Variants in TRPM2 observed in about 807,000 individuals in gnomAD.
The protein encoded by TRPM2 is estrogen-responsive element-associated gene 1 protein.
A neutral mutation model predicts 174.0 loss-of-function variants in TRPM2; 161 were observed. That is an observed-to-expected ratio of 0.93 (90% CI 0.81 to 1.05). The LOEUF is 1.05. Among genes scored for constraint, TRPM2 ranks in the 50% least tolerant of loss-of-function variants. The pLI is 0.00. For synonymous variants in TRPM2, 954 were observed against 861.3 expected (o/e 1.11, Z -1.88); for missense variants, 2,057 against 2,038.0 (o/e 1.01, Z -0.18).
intron 19 of TRPM2, among the ~76,000 whole-genome samples, chr21:44,411,790 T>G (rs2050115561): frequency 6.6e-6 from 1 of 152,154 alleles, no homozygotes; most frequent in African/African-American, 2.4e-5. Context: ...GTTTCTTGAG[T>G]GTTTTTATTG....
intron 2 of TRPM2, among the ~76,000 whole-genome samples, chr21:44,359,094 T>C (rs1001139528): frequency 5.9e-5 from 9 of 152,316 alleles, no homozygotes; most frequent in Admixed American, 5.9e-4. Context: ...TGGTCCATTT[T>C]ACAGTGTGCT....
intron 3 of TRPM2, among the ~76,000 whole-genome samples, chr21:44,365,595 T>C (rs2838555): frequency 0.28 from 42,180 of 152,048 alleles, 6,823 homozygotes; most frequent in African/African-American, 0.46. Context: ...CTTTGTCTGA[T>C]GCCACCGTGG....
In TRPM2 at chr21:44,366,990, G is replaced by A. The variant is rs1293492623; in HGVS notation, c.604+56G>A. 3 of 1,519,334 alleles carry A rather than the reference G, an allele frequency of 2.0e-6. No individual in the cohort carries two copies. In the Admixed American group the frequency reaches 6.3e-5, roughly 32 times the overall value. 94.1% of individuals were successfully genotyped at this position (1,519,334 alleles called of 1,614,324 possible). A position where few individuals can be genotyped will look rare whatever the true frequency, so the allele number is the denominator to read the frequency against. ...CCGGCGGGTGGGGTGGGCTGTGGAGGCAGTGCTGGGGCAATCAGGGCCATC... is the reference window on the plus strand; with the variant it reads ...CCGGCGGGTGGGGTGGGCTGTGGAGACAGTGCTGGGGCAATCAGGGCCATC... On this transcript the variant is annotated intron_variant, in intron 4 of 31. Transcript: ENST00000397928. This position sits in a 1 kb window ranked among gnomAD's most constrained non-coding sequence, Gnocchi z 6.0.
At chr21:44,416,713 C>T in intron 20 of TRPM2, 1 of 197,522 alleles carries the variant, frequency 5.1e-6, no homozygotes. Flanking sequence ...CTGGAGCTGG[C>T]CTCCCGTGTG....
intron 19 of TRPM2, among the ~76,000 whole-genome samples, chr21:44,409,041 G>A (rs1224795630): frequency 6.6e-6 from 1 of 151,992 alleles, no homozygotes; most frequent in African/African-American, 2.4e-5. Flanking sequence ...CTTTACGTAA[G>A]GATGCCAGTC....
intron 25 of TRPM2, among the ~76,000 whole-genome samples, chr21:44,426,259 C>A (rs1398923707): frequency 6.6e-6 from 1 of 152,166 alleles, no homozygotes; most frequent in Non-Finnish European, 1.5e-5. Flanking sequence ...CCTGGGAGAC[C>A]CCCGCCCTCC....
intron 11 of TRPM2, among the ~76,000 whole-genome samples, chr21:44,394,609 G>C (rs977082941): frequency 1.3e-5 from 2 of 151,548 alleles, no homozygotes; most frequent in Non-Finnish European, 2.9e-5. Context: ...GTGAGCCACC[G>C]TGCCAGGCCG....
chr21:44,362,929 A>T (rs2048258235), intron 2 of TRPM2, among the ~76,000 whole-genome samples: 1 of 152,078 alleles, frequency 6.6e-6, no homozygotes, highest in Admixed American at 6.5e-5. Context: ...TGCTGCCACC[A>T]TGCCCAGCTG....
Position 44,391,364 on chromosome 21 carries a change from G to A in TRPM2, c.1533G>A (p.Lys511=). The A allele has an allele frequency of 6.2e-7, 1 of 1,614,204 alleles. No individual in the cohort carries two copies. Among genetic ancestry groups the A allele is most frequent in the Middle Eastern group, 1.6e-4 (1 of 6,062 alleles). Residue 511 remains lysine (K), a synonymous_variant, in exon 11 of 32, where the codon AAG becomes AAA. Coordinates refer to ENST00000397928, the MANE Select transcript of TRPM2 (RefSeq NM_003307.4). The surrounding 1 kb of genome is among the most constrained non-coding windows in gnomAD (Gnocchi z 5.0). The part of the protein sequence containing the change: ...KLFLENGVQL[K]EFVTWDTLLY... ...TCCTGGAGAACGGGGTGCAGCTGAA[G>A]GAGTTTGTCACCTGGGACACCTTGC...
chr21:44,364,343 C>T (rs1389625140), intron 3 of TRPM2, 61 bp downstream of exon 3: 11 of 1,574,824 alleles, frequency 7.0e-6, no homozygotes, highest in Middle Eastern at 1.8e-4. Flanking sequence ...CACAGTGACA[C>T]GCGGTGGTCG....
Position 44,399,331 on chromosome 21 carries a change from A to C in TRPM2, c.2098A>C (p.Arg700=). 1 of 1,612,702 alleles carries C rather than the reference A, an allele frequency of 6.2e-7. No individual in the cohort carries two copies. Among genetic ancestry groups the C allele is most frequent in the Non-Finnish European group, 8.5e-7 (1 of 1,179,858 alleles). The stretch of plus-strand genomic sequence containing the variant: ...CGAGTGCTACCGGAAGGACGAAGAG[A>C]GAGCCCAGAAACTGCTCACCCGCGT... ...FTECYRKDEE[R]AQKLLTRVSE... The change falls in exon 14 of 32, where the codon AGA becomes CGA. Residue 700 remains arginine (R), a synonymous_variant. Coordinates refer to ENST00000397928, the MANE Select transcript of TRPM2 (RefSeq NM_003307.4). The surrounding 1 kb of genome is among the most constrained non-coding windows in gnomAD (Gnocchi z 4.6).
chr21:44,367,580 G>T lies in TRPM2; in HGVS notation c.604+646G>T, dbSNP rs1214404667. Among the ~76,000 whole-genome samples, 1 of 152,176 alleles carries T rather than the reference G, an allele frequency of 6.6e-6. No individual in the cohort carries two copies. Among genetic ancestry groups the T allele is most frequent in the Non-Finnish European group, 1.5e-5 (1 of 68,018 alleles). On this transcript the variant is annotated intron_variant, in intron 4 of 31. Transcript: ENST00000397928. This position sits in a 1 kb window ranked among gnomAD's most constrained non-coding sequence, Gnocchi z 4.6. The stretch of plus-strand genomic sequence containing the variant: ...GTGCCCCGCCCCACCCTAATTCCAT[G>T]GGGAGGGGGCCCCAAGTCCTCAAGG...
intron 2 of TRPM2, among the ~76,000 whole-genome samples, chr21:44,356,689 A>C (rs2048074285): frequency 6.6e-6 from 1 of 151,976 alleles, no homozygotes; most frequent in African/African-American, 2.4e-5. Flanking sequence ...GTGATCCACC[A>C]GCCTTGGCCT....
chr21:44,385,748 G>C lies in TRPM2; in HGVS notation c.1318+2928G>C, dbSNP rs553390237. On this transcript the variant is annotated intron_variant, in intron 9 of 31. Coordinates refer to ENST00000397928, the MANE Select transcript of TRPM2 (RefSeq NM_003307.4). The stretch of plus-strand genomic sequence containing the variant: ...AGGCCTCAGGAAACTTACAATCATG[G>C]TGGAAGATGAAGGGGAAGAAAGGCA... Among the ~76,000 whole-genome samples the C allele has an allele frequency of 1.5e-4, 23 of 152,316 alleles. No individual in the cohort carries two copies. In the South Asian group the frequency reaches 3.3e-3, roughly 22 times the overall value.
rs774923547 is a variant in TRPM2, at chr21:44,405,241, G to A, written c.2638G>A (p.Val880Met). ...GGACGTCGGCGCAATCTTGCTCTTCGTGGCAGGGCTGACCTGCAGGTGAGT... is the reference window on the plus strand; with the variant it reads ...GGACGTCGGCGCAATCTTGCTCTTCATGGCAGGGCTGACCTGCAGGTGAGT... ...KLDVGAILLF[V>M]AGLTCRLIPA... Residue 880 changes from valine to methionine, a missense_variant, in exon 17 of 32, where the codon GTG becomes ATG. Transcript: ENST00000397928. 9.9e-6 allele frequency: 16 copies of A among 1,613,036 alleles called. No homozygotes were observed. Among genetic ancestry groups the A allele is most frequent in the South Asian group, 4.4e-5 (4 of 91,090 alleles).
chr21:44,350,718 G>A (rs1469086218), upstream of TRPM2, among the ~76,000 whole-genome samples: 10 of 151,516 alleles, frequency 6.6e-5, no homozygotes, highest in African/African-American at 2.4e-4. Context: ...CAGGGGCACC[G>A]GTGGGGTTCG....
In TRPM2 at chr21:44,395,401, C is replaced by T; in HGVS notation, c.1795-13C>T. ...CGGCCCGGCTGGGGCTCTGACAGTT[C>T]ACTGCTCACCAGGTGCAGGGAGTGA... On this transcript the variant is annotated splice_polypyrimidine_tract_variant and intron_variant, in intron 11 of 31. Transcript: ENST00000397928. 1 of 1,612,166 alleles carries T rather than the reference C, an allele frequency of 6.2e-7. No homozygotes were observed. The highest frequency in any genetic ancestry group is 8.5e-7 in the Non-Finnish European group (1 of 1,179,690).
chr21:44,395,705 G>C (rs1261390790), intron 12 of TRPM2, among the ~76,000 whole-genome samples, 154 bp downstream of exon 12: 2 of 12,248 alleles, frequency 1.6e-4, no homozygotes, highest in Middle Eastern at 0.042. Flanking sequence ...TGTGGAGGAT[G>C]TGGAGGGGTG....
At chr21:44,415,928 C>T (rs911595325) in intron 20 of TRPM2, 11 of 152,042 alleles carry the variant, frequency 7.2e-5, no homozygotes, top group Admixed American at 2.0e-4. Flanking sequence ...GGACCTCACA[C>T]CAGAGGCAGC....
Sources: gnomAD v4.1 joint callset for allele counts (sites outside exome capture counted in the v4.1 genomes callset) on GRCh38, gnomAD v4.1.1 for gene constraint, Gnocchi (gnomAD v3.1) non-coding constraint, MANE v1.5 for transcripts, NCBI Gene and HGNC (gene_info 2026-07-23, HGNC 2026-07-21) for gene names.